The following ZNF385D variants were observed in gnomAD, a reference collection of about 807,000 sequenced individuals.
ZNF385D encodes zinc finger protein 385D.
A neutral mutation model predicts 35.8 loss-of-function variants in ZNF385D; 15 were observed. The observed-to-expected ratio is 0.42, with a 90% CI of 0.28 to 0.64. ZNF385D has a LOEUF of 0.64. ZNF385D is among the 30% of genes least tolerant of loss of function. The probability of loss-of-function intolerance (pLI) is 0.23; values close to 1 mark genes in which losing one functional copy is unlikely to be tolerated. For missense variants in ZNF385D, 474 were observed against 494.6 expected, an observed-to-expected ratio of 0.96 and a Z score of 0.39; for synonymous variants, 212 against 186.8, an observed-to-expected ratio of 1.13 and a Z score of -1.10.
At chr3:22,216,542 C>A (rs1033972733) in intron 2 of ZNF385D, among the ~76,000 whole-genome samples, 1 of 151,980 alleles carries the variant, frequency 6.6e-6, no homozygotes, top group Admixed American at 6.6e-5. Context: ...AGCATTGACC[C>A]AGATGTGAAA....
At chr3:21,657,912 C>T (rs775127940) in intron 2 of ZNF385D, among the ~76,000 whole-genome samples, 3 of 151,930 alleles carry the variant, frequency 2.0e-5, no homozygotes, top group Non-Finnish European at 4.4e-5. Flanking sequence ...AATACAGAGC[C>T]AGAGAAGAGA....
intron 2 of ZNF385D, among the ~76,000 whole-genome samples, chr3:22,267,732 A>C (rs1700968250): frequency 6.6e-6 from 1 of 151,972 alleles, no homozygotes; most frequent in South Asian, 2.1e-4. Context: ...TGATGCGTAT[A>C]CAATTAAATG....
At chr3:21,993,558 T>C (rs1346664883) in intron 3 of ZNF385D, among the ~76,000 whole-genome samples, 1 of 152,204 alleles carries the variant, frequency 6.6e-6, no homozygotes, top group Non-Finnish European at 1.5e-5. Flanking sequence ...GATTAAACTA[T>C]GCATTAATTC....
At chr3:21,685,207 A>G (rs1261905569) in intron 1 of ZNF385D, among the ~76,000 whole-genome samples, 4 of 152,206 alleles carry the variant, frequency 2.6e-5, no homozygotes, top group African/African-American at 9.6e-5. Flanking sequence ...CTTCTCAATG[A>G]ACGTAGAAAA....
chr3:21,510,597 A>G (rs755031493), intron 4 of ZNF385D, among the ~76,000 whole-genome samples: 2 of 152,196 alleles, frequency 1.3e-5, no homozygotes, highest in African/African-American at 4.8e-5. Flanking sequence ...TATGGGGTAC[A>G]TGGCTTCAAA....
intron 4 of ZNF385D, among the ~76,000 whole-genome samples, chr3:21,473,433 A>C (rs1489527424): frequency 6.6e-6 from 1 of 152,104 alleles, no homozygotes; most frequent in African/African-American, 2.4e-5. Context: ...CTTTTCTGGC[A>C]AATAGTATCA....
At chr3:22,297,090 T>C (rs975021952) in intron 2 of ZNF385D, among the ~76,000 whole-genome samples, 2 of 152,096 alleles carry the variant, frequency 1.3e-5, no homozygotes, top group Non-Finnish European at 2.9e-5. Flanking sequence ...AGTAAACTAT[T>C]AAAACATATT....
chr3:21,857,360 G>C (rs1318527053), intron 3 of ZNF385D, among the ~76,000 whole-genome samples: 4 of 152,092 alleles, frequency 2.6e-5, no homozygotes, highest in Non-Finnish European at 5.9e-5. Flanking sequence ...CTAGAACAGT[G>C]CCTAGCACAT....
At chr3:21,883,890 A>C (rs186788697) in intron 3 of ZNF385D, among the ~76,000 whole-genome samples, 54 of 152,154 alleles carry the variant, frequency 3.5e-4, no homozygotes, top group African/African-American at 1.3e-3. Context: ...ATGCTACGAC[A>C]TCTCATCCGT....
intron 4 of ZNF385D, among the ~76,000 whole-genome samples, chr3:21,494,967 T>C (rs1043078368): frequency 6.6e-6 from 1 of 152,208 alleles, no homozygotes; most frequent in Admixed American, 6.5e-5. Context: ...TAGACGTTCA[T>C]GGCACTGTAT....
chr3:21,789,536 A>G (rs989288299), intron 3 of ZNF385D, among the ~76,000 whole-genome samples: 1 of 152,180 alleles, frequency 6.6e-6, no homozygotes, highest in South Asian at 2.1e-4. Context: ...ACACATGTGT[A>G]AGCACACACA....
intron 3 of ZNF385D, among the ~76,000 whole-genome samples, chr3:22,073,934 A>G (rs1700346120): frequency 6.6e-6 from 1 of 151,900 alleles, no homozygotes; most frequent in Non-Finnish European, 1.5e-5. Flanking sequence ...GTTTATCTTC[A>G]TGTATTAAAA....
chr3:22,079,918 G>C lies in ZNF385D; in HGVS notation c.325+88899C>G, dbSNP rs556212627. Among the ~76,000 whole-genome samples, 408 of 151,988 alleles carry C rather than the reference G, an allele frequency of 2.7e-3. 1 individual carries two copies. Among genetic ancestry groups the C allele is most frequent in the African/African-American group, 8.9e-3 (368 of 41,494 alleles). On this transcript the variant is annotated intron_variant, in intron 3 of 5. Coordinates refer to the ZNF385D transcript ENST00000494108. ...TGTGTGTGTGTGTATGTATGTATAT[G>C]TGTGTACATATATACATATGTATAT...
intron 2 of ZNF385D, among the ~76,000 whole-genome samples, chr3:22,220,978 T>A (rs1341556497): frequency 6.6e-6 from 1 of 152,090 alleles, no homozygotes; most frequent in African/African-American, 2.4e-5. Context: ...GAGAAAGCAA[T>A]CTCTATAAAC....
chr3:21,883,802 C>T (rs1445575214), intron 3 of ZNF385D, among the ~76,000 whole-genome samples: 1 of 152,020 alleles, frequency 6.6e-6, no homozygotes, highest in Non-Finnish European at 1.5e-5. Flanking sequence ...AGGCAATGCA[C>T]ATTATTATCA....
rs772122136 is a variant in ZNF385D, at chr3:22,364,881, A to G, written c.106+7569T>C. ...ATGGACAGTTGACAAGAAATGCAAA[A>G]TGTCATATACACACACAGTGGAATA... is the stretch of plus-strand genomic sequence containing the variant. On this transcript the variant is annotated intron_variant, in intron 2 of 5. Coordinates refer to the ZNF385D transcript ENST00000494108. Among the ~76,000 whole-genome samples the G allele has an allele frequency of 3.9e-5, 6 of 152,252 alleles. No homozygotes were observed. In the East Asian group the frequency reaches 7.7e-4, roughly 20 times the overall value.
chr3:21,457,233 C>T (rs572162956), intron 4 of ZNF385D, among the ~76,000 whole-genome samples: 3 of 152,136 alleles, frequency 2.0e-5, no homozygotes, highest in South Asian at 2.1e-4. Flanking sequence ...CCAGTACTAG[C>T]GTGTGATGGC....
intron 2 of ZNF385D, among the ~76,000 whole-genome samples, chr3:21,644,436 C>T (rs2065693002): frequency 6.6e-6 from 1 of 152,112 alleles, no homozygotes; most frequent in Non-Finnish European, 1.5e-5. Flanking sequence ...CTCACTCACA[C>T]TGAGACAAGG....
intron 3 of ZNF385D, among the ~76,000 whole-genome samples, chr3:22,090,054 G>A (rs936375115): frequency 6.6e-5 from 10 of 152,046 alleles, no homozygotes; most frequent in African/African-American, 1.9e-4. Context: ...TGGCCAGGAT[G>A]GTCTTGATCT....
Sources: allele counts gnomAD v4.1 joint callset (sites outside exome capture counted in the v4.1 genomes callset), GRCh38; gene constraint gnomAD v4.1.1; transcripts MANE v1.5; gene names NCBI Gene and HGNC (gene_info 2026-07-23, HGNC 2026-07-21).